The following NYAP2 variants were observed in gnomAD, a reference collection of about 807,000 sequenced individuals.
NYAP2 encodes neuronal tyrosine-phosphorylated phosphoinositide-3-kinase adapter 2.
In NYAP2, 23 loss-of-function variants were observed where a neutral mutation model predicts 50.4. That is an observed-to-expected ratio of 0.46 (90% CI 0.33 to 0.65). The LOEUF is 0.65. Ranked by LOEUF, NYAP2 falls within the 30% of genes least tolerant of loss-of-function variation. The probability of loss-of-function intolerance (pLI) is 0.02; values close to 1 mark genes in which losing one functional copy is unlikely to be tolerated. For missense variants in NYAP2, 885 were observed against 861.0 expected, an observed-to-expected ratio of 1.03 and a Z score of -0.35; for synonymous variants, 394 against 365.2, an observed-to-expected ratio of 1.08 and a Z score of -0.90.
rs369489604 is a variant in NYAP2, at chr2:225,401,549, A to G, written c.-18+506A>G. Among the ~76,000 whole-genome samples, 9 of 152,176 alleles carry G rather than the reference A, an allele frequency of 5.9e-5. No homozygotes were observed. In the East Asian group the frequency reaches 1.7e-3, roughly 30 times the overall value. ...CGACACTGCTTCTTCCTGACTGATT[A>G]GACATAAACCTCTTTGAGAAACATT... On this transcript the variant is annotated intron_variant, in intron 2 of 6. Transcript: ENST00000636099.
intron 3 of NYAP2, among the ~76,000 whole-genome samples, chr2:225,485,443 A>G (rs925777532): frequency 2.0e-5 from 3 of 152,202 alleles, no homozygotes; most frequent in African/African-American, 7.2e-5. Flanking sequence ...GTTTGTGCTC[A>G]TCTTCACCCA....
At chr2:225,656,852 CCT>C (rs929346180), downstream of NYAP2, among the ~76,000 whole-genome samples, 2 of 152,134 alleles carry the variant, frequency 1.3e-5, no homozygotes, top group Non-Finnish European at 2.9e-5. Flanking sequence ...TTACTCAACA[CCT>C]CTCTCTATAA....
At chr2:225,594,902 GGAA>G (rs1218700283) in intron 5 of NYAP2, among the ~76,000 whole-genome samples, 1 of 152,106 alleles carries the variant, frequency 6.6e-6, no homozygotes. Flanking sequence ...ATTTCCAAAT[GGAA>G]GAAGTAAAAA....
At chr2:225,412,618 G>T (rs796449916) in intron 3 of NYAP2, among the ~76,000 whole-genome samples, 5 of 152,144 alleles carry the variant, frequency 3.3e-5, no homozygotes, top group African/African-American at 1.2e-4. Flanking sequence ...TAAAATTTGT[G>T]AAAAACCATC....
chr2:225,430,762 TA>T (rs2106133520), intron 3 of NYAP2, among the ~76,000 whole-genome samples: 1 of 152,082 alleles, frequency 6.6e-6, no homozygotes, highest in East Asian at 1.9e-4. Flanking sequence ...CAGACATAAA[TA>T]GGAAAATACA....
chr2:225,664,527 A>T, the NYAP2 span, among the ~76,000 whole-genome samples: 1 of 152,294 alleles, frequency 6.6e-6, no homozygotes, highest in East Asian at 1.9e-4. Flanking sequence ...CTAGTTACTT[A>T]CAAGTTTTAC....
chr2:225,678,343 T>A, the NYAP2 span, among the ~76,000 whole-genome samples: 1 of 152,302 alleles, frequency 6.6e-6, no homozygotes, highest in African/African-American at 2.4e-5. Flanking sequence ...TCTATCAATT[T>A]ATTTATTCTT....
chr2:225,604,687 A>G (rs1164374156), intron 5 of NYAP2, among the ~76,000 whole-genome samples: 1 of 152,160 alleles, frequency 6.6e-6, no homozygotes, highest in Non-Finnish European at 1.5e-5. Flanking sequence ...TTCCCTAAAC[A>G]ATATCTCTCC....
intron 3 of NYAP2, among the ~76,000 whole-genome samples, chr2:225,438,584 T>G (rs1689420718): frequency 6.6e-6 from 1 of 152,230 alleles, no homozygotes; most frequent in Admixed American, 6.5e-5. Context: ...TCTTTCTGTA[T>G]TTCCAAATGA....
At chr2:225,565,694 G>A (rs564304691) in intron 4 of NYAP2, among the ~76,000 whole-genome samples, 1 of 152,276 alleles carries the variant, frequency 6.6e-6, no homozygotes, top group African/African-American at 2.4e-5. Context: ...ATCCCAGGCA[G>A]TATGCTAAAT....
chr2:225,651,632 G>A (rs1444829028), exon 7 of NYAP2: 22 of 1,576,326 alleles, frequency 1.4e-5, no homozygotes, highest in East Asian at 9.0e-5. Context: ...GACAACTTTC[G>A]CATTTGCTTT....
At chr2:225,535,405 T>G (rs1003691543) in intron 4 of NYAP2, among the ~76,000 whole-genome samples, 1 of 152,162 alleles carries the variant, frequency 6.6e-6, no homozygotes, top group African/African-American at 2.4e-5. Flanking sequence ...CGTATGTAGA[T>G]ATCTTGTAAC....
intron 4 of NYAP2, among the ~76,000 whole-genome samples, chr2:225,527,253 G>T (rs1229972121): frequency 1.3e-5 from 2 of 152,140 alleles, no homozygotes; most frequent in African/African-American, 2.4e-5. Context: ...AGCCCAATGT[G>T]CCTGTGTGTC....
At chr2:225,661,276 A>G in the NYAP2 span, among the ~76,000 whole-genome samples, 19 of 152,224 alleles carry the variant, frequency 1.2e-4, no homozygotes, top group Non-Finnish European at 1.6e-4. Flanking sequence ...CCCTTCATTC[A>G]GAATAATAAA....
chr2:225,675,560 T>C, the NYAP2 span, among the ~76,000 whole-genome samples: 1 of 152,088 alleles, frequency 6.6e-6, no homozygotes, highest in East Asian at 1.9e-4. Context: ...TTATGGGCAC[T>C]TAGGTTGATT....
At chr2:225,535,416 A>G (rs769213456) in intron 4 of NYAP2, among the ~76,000 whole-genome samples, 3 of 152,220 alleles carry the variant, frequency 2.0e-5, no homozygotes, top group African/African-American at 4.8e-5. Context: ...ATCTTGTAAC[A>G]GAGTGTTACA....
chr2:225,689,402 T>G, the NYAP2 span, among the ~76,000 whole-genome samples: 1 of 152,198 alleles, frequency 6.6e-6, no homozygotes, highest in African/African-American at 2.4e-5. Context: ...ATAGTATATA[T>G]AACTTAAAAT....
At chr2:225,406,108 A>AT (rs540990351) in intron 2 of NYAP2, among the ~76,000 whole-genome samples, 5,956 of 148,338 alleles carry the variant, frequency 0.04, 391 homozygotes, top group African/African-American at 0.14. Flanking sequence ...TCCAACCACT[A>AT]TTTTTTTTTT....
intron 5 of NYAP2, among the ~76,000 whole-genome samples, chr2:225,606,320 G>A (rs977802081): frequency 6.6e-6 from 1 of 151,996 alleles, no homozygotes; most frequent in South Asian, 2.1e-4. Flanking sequence ...CCAAATTGCT[G>A]GTATAAATTT....
Sources: allele counts gnomAD v4.1 joint callset (sites outside exome capture counted in the v4.1 genomes callset), GRCh38; gene constraint gnomAD v4.1.1; transcripts MANE v1.5; gene names NCBI Gene and HGNC (gene_info 2026-07-23, HGNC 2026-07-21).